The following DIP2C variants were observed in gnomAD, a reference collection of about 807,000 sequenced individuals.
DIP2C encodes DIP2 acetate--CoA ligase C (putative).
DIP2C carries 33 observed loss-of-function variants against 192.4 expected under a neutral mutation model. The ratio of observed to expected loss-of-function variants is 0.17; its 90% CI spans 0.13 to 0.23. DIP2C has a LOEUF of 0.23. DIP2C is among the 10% of genes least tolerant of loss of function. DIP2C has a pLI of 1.00. For missense variants in DIP2C, 1,537 were observed against 2,110.1 expected (o/e 0.73, Z 5.32); for synonymous variants, 979 against 864.1 (o/e 1.13, Z -2.33).
At chr10:564,606 T>C (rs959972924) in intron 1 of DIP2C, among the ~76,000 whole-genome samples, 4 of 148,772 alleles carry the variant, frequency 2.7e-5, no homozygotes, top group Non-Finnish European at 5.9e-5. Context: ...GCATTTTGCC[T>C]GTCTCCTTTT....
chr10:675,975 G>A (rs548671161), intron 1 of DIP2C, among the ~76,000 whole-genome samples: 4 of 152,042 alleles, frequency 2.6e-5, no homozygotes, highest in Non-Finnish European at 5.9e-5. Flanking sequence ...AAAACTATAG[G>A]TCAATATCCC....
intron 1 of DIP2C, among the ~76,000 whole-genome samples, chr10:626,797 C>T (rs1487121674): frequency 1.3e-5 from 2 of 152,262 alleles, no homozygotes; most frequent in South Asian, 2.1e-4. Context: ...CCCACGGTCA[C>T]GCCGATCGTC....
intron 26 of DIP2C, among the ~76,000 whole-genome samples, chr10:346,825 G>A (rs77189255): frequency 0.23 from 749 of 3,202 alleles, 330 homozygotes; most frequent in Non-Finnish European, 0.27. Context: ...ACACGCACCC[G>A]GACACATCGC....
intron 3 of DIP2C, among the ~76,000 whole-genome samples, chr10:441,889 G>C (rs1215042110): frequency 6.6e-6 from 1 of 152,176 alleles, no homozygotes; most frequent in African/African-American, 2.4e-5. Context: ...TGATAAGGCA[G>C]ACAGTGTCAC....
At chr10:406,646 T>G (rs1389149921) in intron 9 of DIP2C, among the ~76,000 whole-genome samples, 5 of 152,302 alleles carry the variant, frequency 3.3e-5, no homozygotes, top group Admixed American at 3.3e-4. Context: ...AAACTGGTAA[T>G]AGCCCTTTCC....
chr10:511,743 G>A (rs113538116), intron 1 of DIP2C, among the ~76,000 whole-genome samples: 27 of 152,282 alleles, frequency 1.8e-4, no homozygotes, highest in African/African-American at 5.8e-4. Context: ...AGGGAGCACC[G>A]AACAGGAGCT....
intron 1 of DIP2C, among the ~76,000 whole-genome samples, chr10:557,609 A>G (rs1437806384): frequency 7.4e-6 from 1 of 135,352 alleles, no homozygotes; most frequent in East Asian, 2.2e-4. Flanking sequence ...GAAAAACAAC[A>G]ATCTGTAAAA....
chr10:683,723 T>C (rs1831213230), intron 1 of DIP2C, among the ~76,000 whole-genome samples: 1 of 152,234 alleles, frequency 6.6e-6, no homozygotes, highest in Non-Finnish European at 1.5e-5. Flanking sequence ...GGCCCTGGGC[T>C]GGTGACTCAG....
intron 1 of DIP2C, among the ~76,000 whole-genome samples, chr10:581,283 T>TA (rs1554744850): frequency 2.6e-5 from 4 of 152,156 alleles, no homozygotes; most frequent in African/African-American, 9.7e-5. Flanking sequence ...AAAAAGTTAA[T>TA]ACATCCACAC....
intron 5 of DIP2C, 27 bp downstream of exon 5, chr10:422,797 C>A (rs758164808): frequency 6.3e-7 from 1 of 1,599,000 alleles, no homozygotes; most frequent in Non-Finnish European, 8.5e-7. Context: ...ACAACAGGCA[C>A]AGAAAGACAC....
chr10:388,187 G>A (rs942344202), intron 13 of DIP2C, among the ~76,000 whole-genome samples: 1 of 152,188 alleles, frequency 6.6e-6, no homozygotes, highest in Non-Finnish European at 1.5e-5. Flanking sequence ...GCACAGAGGA[G>A]GAAGTGGATT....
At chr10:647,845 T>G (rs1285922167) in intron 1 of DIP2C, among the ~76,000 whole-genome samples, 1 of 141,994 alleles carries the variant, frequency 7.0e-6, no homozygotes, top group African/African-American at 2.7e-5. Context: ...CACGTCCACA[T>G]TTGACGGTGG....
rs759984100 is a variant in DIP2C, at chr10:397,898, C to T, written c.1260+1211G>A. On this transcript the variant is annotated intron_variant, in intron 10 of 36. Coordinates refer to ENST00000280886, the MANE Select transcript of DIP2C (RefSeq NM_014974.3). ...TTCAGCCATGATGGGAAGGAGGGGTCGGACATGCCCCCCTTACTCCCTCAT... is the reference window on the plus strand; with the variant it reads ...TTCAGCCATGATGGGAAGGAGGGGTTGGACATGCCCCCCTTACTCCCTCAT... Among the ~76,000 whole-genome samples, 7 of 152,168 alleles carry T rather than the reference C, an allele frequency of 4.6e-5. No homozygotes were observed. The East Asian group carries it at 1.2e-3, about 25-fold the overall frequency.
chr10:416,016 G>A, intron 6 of DIP2C, 128 bp from the exon 7 acceptor site: 1 of 1,410,148 alleles, frequency 7.1e-7, no homozygotes, highest in Non-Finnish European at 9.7e-7. Context: ...TGCGATCCTG[G>A]GAAGGGCCCG....
intron 6 of DIP2C, among the ~76,000 whole-genome samples, chr10:418,508 G>C (rs908746228): frequency 6.6e-6 from 1 of 152,236 alleles, no homozygotes; most frequent in South Asian, 2.1e-4. Flanking sequence ...GGGGCTGAGT[G>C]ACACGAACAG....
intron 9 of DIP2C, among the ~76,000 whole-genome samples, chr10:405,502 T>A (rs902434580): frequency 2.0e-5 from 3 of 152,168 alleles, no homozygotes; most frequent in African/African-American, 4.8e-5. Context: ...AAACTGAAAA[T>A]TTTTTTGCAA....
intron 1 of DIP2C, among the ~76,000 whole-genome samples, chr10:565,537 C>T (rs1367327012): frequency 6.6e-6 from 1 of 152,200 alleles, no homozygotes; most frequent in Admixed American, 6.5e-5. Context: ...TTTTTCCAAT[C>T]GTAAGAGAGG....
chr10:352,730 G>C (rs1475099392), intron 24 of DIP2C, among the ~76,000 whole-genome samples: 2 of 152,130 alleles, frequency 1.3e-5, no homozygotes, highest in East Asian at 3.9e-4. Flanking sequence ...GTTGCAGGCT[G>C]GCAGTCCCAG....
chr10:605,629 A>G (rs566924522), intron 1 of DIP2C, among the ~76,000 whole-genome samples: 1 of 152,286 alleles, frequency 6.6e-6, no homozygotes, highest in Non-Finnish European at 1.5e-5. Context: ...AGCAGAGAAC[A>G]GATTCCTGAC....
Sources: gnomAD v4.1 joint callset for allele counts (sites outside exome capture counted in the v4.1 genomes callset) on GRCh38, gnomAD v4.1.1 for gene constraint, MANE v1.5 for transcripts, NCBI Gene and HGNC (gene_info 2026-07-23, HGNC 2026-07-21) for gene names.